Variants in ZCCHC24 observed in about 807,000 individuals in gnomAD.
ZCCHC24 encodes the protein zinc finger CCHC-type containing 24, also known as zinc finger CCHC domain-containing protein 24.
ZCCHC24 carries 10 observed loss-of-function variants against 26.2 expected under a neutral mutation model. That is an observed-to-expected ratio of 0.38 (90% CI 0.24 to 0.65). ZCCHC24 has a LOEUF of 0.65. ZCCHC24 is among the 30% of genes least tolerant of loss of function. The probability of loss-of-function intolerance (pLI) is 0.54; values close to 1 mark genes in which losing one functional copy is unlikely to be tolerated. For synonymous variants in ZCCHC24, 144 were observed against 147.1 expected, an observed-to-expected ratio of 0.98 and a Z score of 0.15; for missense variants, 243 against 329.1, an observed-to-expected ratio of 0.74 and a Z score of 2.03.
intron 1 of ZCCHC24, among the ~76,000 whole-genome samples, chr10:79,435,066 G>A (rs569652005): frequency 8.7e-5 from 13 of 150,276 alleles, no homozygotes; most frequent in African/African-American, 1.2e-4. Flanking sequence ...CTCCAAATCC[G>A]CCCCAGCCTC....
intron 2 of ZCCHC24, among the ~76,000 whole-genome samples, chr10:79,398,683 A>ACG (rs1371616314): frequency 6.6e-6 from 1 of 152,192 alleles, no homozygotes; most frequent in Non-Finnish European, 1.5e-5. Flanking sequence ...TGGAAGGACC[A>ACG]CGCTGCAGAA....
chr10:79,399,779 C>T (rs955490720), intron 2 of ZCCHC24, among the ~76,000 whole-genome samples: 3 of 152,226 alleles, frequency 2.0e-5, no homozygotes, highest in Non-Finnish European at 2.9e-5. Flanking sequence ...AGGGGCCCCC[C>T]GGGCAAGCCA....
chr10:79,392,278 G>A (rs1168965648), intron 3 of ZCCHC24, among the ~76,000 whole-genome samples: 1 of 152,136 alleles, frequency 6.6e-6, no homozygotes, highest in East Asian at 1.9e-4. Flanking sequence ...CACTGCATTA[G>A]GATTGCACAC....
intron 2 of ZCCHC24, among the ~76,000 whole-genome samples, chr10:79,424,367 G>T (rs1391286971): frequency 6.6e-6 from 1 of 152,240 alleles, no homozygotes; most frequent in African/African-American, 2.4e-5. Context: ...GTTTATGCAC[G>T]TGTATTTGTA....
At chr10:79,416,226 G>A (rs1433828683) in intron 2 of ZCCHC24, among the ~76,000 whole-genome samples, 1 of 152,146 alleles carries the variant, frequency 6.6e-6, no homozygotes, top group Non-Finnish European at 1.5e-5. Context: ...GATGCATATT[G>A]CTGGGTCCAC....
At chr10:79,441,983 T>C (rs1166955737) in intron 1 of ZCCHC24, among the ~76,000 whole-genome samples, 1 of 152,194 alleles carries the variant, frequency 6.6e-6, no homozygotes, top group Non-Finnish European at 1.5e-5. Flanking sequence ...ATGACTCCCA[T>C]AGCCCCTTTA....
At chr10:79,431,862 T>C (rs953623834) in intron 2 of ZCCHC24, among the ~76,000 whole-genome samples, 1 of 152,204 alleles carries the variant, frequency 6.6e-6, no homozygotes, top group African/African-American at 2.4e-5. Flanking sequence ...ACTACCCTCT[T>C]TTCCCAGGAT....
intron 2 of ZCCHC24, among the ~76,000 whole-genome samples, chr10:79,421,415 T>C (rs1251485437): frequency 6.8e-6 from 1 of 147,876 alleles, no homozygotes; most frequent in Non-Finnish European, 1.5e-5. Flanking sequence ...CTGTCTGTCC[T>C]CCCTCTTCTC....
intron 2 of ZCCHC24, among the ~76,000 whole-genome samples, chr10:79,406,919 C>G (rs917550220): frequency 6.6e-6 from 1 of 152,228 alleles, no homozygotes; most frequent in African/African-American, 2.4e-5. Context: ...GCTGGTGGTA[C>G]TTGTTTTCAT....
chr10:79,437,878 G>A (rs971172306), intron 1 of ZCCHC24, among the ~76,000 whole-genome samples: 5 of 152,202 alleles, frequency 3.3e-5, no homozygotes, highest in Non-Finnish European at 7.4e-5. Flanking sequence ...CAGGTGAGGG[G>A]TAGCAGGAGT....
At chr10:79,415,092 C>T (rs1462313561) in intron 2 of ZCCHC24, among the ~76,000 whole-genome samples, 1 of 152,182 alleles carries the variant, frequency 6.6e-6, no homozygotes, top group Non-Finnish European at 1.5e-5. Flanking sequence ...TCTTGGGTAC[C>T]ATGAAGGCTA....
At chr10:79,436,402 G>A (rs1361254266) in intron 1 of ZCCHC24, among the ~76,000 whole-genome samples, 2 of 152,160 alleles carry the variant, frequency 1.3e-5, no homozygotes, top group Non-Finnish European at 2.9e-5. Flanking sequence ...AGATCCAGGT[G>A]CTCCTGAAGC....
At chr10:79,412,293 C>A (rs543374536) in intron 2 of ZCCHC24, among the ~76,000 whole-genome samples, 146 of 152,388 alleles carry the variant, frequency 9.6e-4, no homozygotes, top group African/African-American at 3.3e-3. Flanking sequence ...AGCTCAGGAG[C>A]TTCCTGCTAA....
In ZCCHC24 at chr10:79,409,364, C is replaced by T. The variant is rs1392128176; in HGVS notation, c.448-14924G>A. 3 of 152,366 alleles carry T rather than the reference C, an allele frequency of 2.0e-5. No individual in the cohort carries two copies. In the East Asian group the frequency reaches 5.8e-4, roughly 29 times the overall value. 9.4% of individuals were successfully genotyped at this position (152,366 alleles called of 1,614,324 possible). ...TACCAGCACTTCTAGCAGACATCTC[C>T]CCTGCCCTCCAGGGACCCCCTGTAC... On this transcript the variant is annotated intron_variant, in intron 2 of 3. Coordinates refer to ENST00000372336, the MANE Select transcript of ZCCHC24 (RefSeq NM_153367.4).
At chr10:79,404,413 C>T (rs2279336) in intron 2 of ZCCHC24, among the ~76,000 whole-genome samples, 1 of 151,760 alleles carries the variant, frequency 6.6e-6, no homozygotes, top group African/African-American at 2.4e-5. Flanking sequence ...AGCGGAGGGG[C>T]GGGAGGGGAA....
intron 2 of ZCCHC24, among the ~76,000 whole-genome samples, chr10:79,399,922 G>A (rs1163894566): frequency 6.6e-6 from 1 of 152,174 alleles, no homozygotes; most frequent in Non-Finnish European, 1.5e-5. Flanking sequence ...CTTTTACTGG[G>A]GGTATGCAAG....
At chr10:79,418,940 GAA>G (rs1460042576) in intron 2 of ZCCHC24, among the ~76,000 whole-genome samples, 1 of 151,532 alleles carries the variant, frequency 6.6e-6, no homozygotes, top group East Asian at 1.9e-4. Flanking sequence ...GGATAGGAGA[GAA>G]GAGATTCGGG....
intron 2 of ZCCHC24, among the ~76,000 whole-genome samples, chr10:79,432,173 C>T (rs968096180): frequency 6.6e-6 from 1 of 152,358 alleles, no homozygotes. Context: ...GCCTGCATTC[C>T]TTCCCCGTGA....
chr10:79,390,515 G>T (rs1201308680), intron 3 of ZCCHC24, among the ~76,000 whole-genome samples: 1 of 152,204 alleles, frequency 6.6e-6, no homozygotes, highest in Non-Finnish European at 1.5e-5. Context: ...ACCCTCCTGG[G>T]CTCATCTGAG....
Sources: allele counts gnomAD v4.1 joint callset (sites outside exome capture counted in the v4.1 genomes callset), GRCh38; gene constraint gnomAD v4.1.1; transcripts MANE v1.5; gene names NCBI Gene and HGNC (gene_info 2026-07-23, HGNC 2026-07-21).